The following LHPP variants were observed in gnomAD, a reference collection of about 807,000 sequenced individuals.
LHPP encodes the protein hLHPP.
In LHPP, 24 loss-of-function variants were observed where a neutral mutation model predicts 30.3. The observed-to-expected ratio is 0.79, with a 90% CI of 0.57 to 1.11. The LOEUF (loss-of-function observed/expected upper bound fraction) is 1.11. Among genes scored for constraint, LHPP ranks in the 50% most tolerant of loss-of-function variants. LHPP has a pLI of 0.00. For missense variants in LHPP, 356 were observed against 367.2 expected (o/e 0.97, Z 0.25); for synonymous variants, 150 against 157.1 (o/e 0.95, Z 0.34).
chr10:124,486,125 C>G (rs1161628364), intron 2 of LHPP, among the ~76,000 whole-genome samples: 3 of 152,106 alleles, frequency 2.0e-5, no homozygotes, highest in Non-Finnish European at 4.4e-5. Flanking sequence ...AATTTACATA[C>G]AATGAAATGT....
chr10:124,474,637 T>G (rs2133828157), intron 1 of LHPP, among the ~76,000 whole-genome samples: 1 of 151,990 alleles, frequency 6.6e-6, no homozygotes, highest in African/African-American at 2.4e-5. Flanking sequence ...GCAGGTCCCA[T>G]CTCTAAACCA....
intron 6 of LHPP, among the ~76,000 whole-genome samples, chr10:124,598,447 T>TG (rs1286374925): frequency 7.2e-5 from 11 of 152,198 alleles, no homozygotes; most frequent in African/African-American, 2.7e-4. Flanking sequence ...GTGGCCTGGC[T>TG]GGGCGTGGCC....
At chr10:124,504,848 T>C (rs1479641769) in intron 5 of LHPP, among the ~76,000 whole-genome samples, 5 of 152,054 alleles carry the variant, frequency 3.3e-5, no homozygotes, top group African/African-American at 4.8e-5. Context: ...AGACCCCTCA[T>C]GGGGGTCTGG....
At chr10:124,554,542 G>A (rs943988725) in intron 6 of LHPP, among the ~76,000 whole-genome samples, 1 of 152,248 alleles carries the variant, frequency 6.6e-6, no homozygotes, top group African/African-American at 2.4e-5. Context: ...TAATGTGCAT[G>A]CAGTGCTTAG....
Position 124,523,316 on chromosome 10 carries a change from G to A in LHPP, c.716+6045G>A, listed in dbSNP as rs148336689. Among the ~76,000 whole-genome samples, 52 of 152,344 alleles carry A rather than the reference G, an allele frequency of 3.4e-4. 1 individual carries two copies. In the East Asian group the frequency reaches 9.5e-3, roughly 28 times the overall value. On this transcript the variant is annotated intron_variant, in intron 6 of 6. Transcript: ENST00000368842. The surrounding 1 kb of genome is among the most constrained non-coding windows in gnomAD (Gnocchi z 4.2). ...TGAAGGGGTTTCCCCCCAGTGGGGT[G>A]GCCAGCCGATCTAGGATTCCAGCCG...
chr10:124,560,943 G>C (rs144886298), intron 6 of LHPP, among the ~76,000 whole-genome samples: 31 of 152,268 alleles, frequency 2.0e-4, no homozygotes, highest in African/African-American at 7.5e-4. Context: ...CTCCTGCCAA[G>C]TGCAATGAAA....
chr10:124,578,040 C>T (rs2133988244), intron 6 of LHPP, among the ~76,000 whole-genome samples: 1 of 152,258 alleles, frequency 6.6e-6, no homozygotes, highest in East Asian at 1.9e-4. Flanking sequence ...GCTAGAGTGG[C>T]CCCAGCCGAG....
intron 5 of LHPP, among the ~76,000 whole-genome samples, chr10:124,513,061 G>A (rs1416973513): frequency 6.7e-6 from 1 of 148,166 alleles, no homozygotes; most frequent in Non-Finnish European, 1.5e-5. Flanking sequence ...GAATTCCAGT[G>A]AGAAGACATG....
At chr10:124,477,474 C>T (rs563427174) in intron 1 of LHPP, among the ~76,000 whole-genome samples, 27 of 152,224 alleles carry the variant, frequency 1.8e-4, no homozygotes, top group Admixed American at 3.3e-4. Flanking sequence ...TGTGGGGGAG[C>T]GCTGCCCCCC....
intron 6 of LHPP, among the ~76,000 whole-genome samples, chr10:124,547,687 C>T (rs913992704): frequency 6.6e-6 from 1 of 152,242 alleles, no homozygotes; most frequent in African/African-American, 2.4e-5. Flanking sequence ...CCTGCACCGC[C>T]AGGAGAAGCA....
chr10:124,589,749 C>T (rs889751427), intron 6 of LHPP, among the ~76,000 whole-genome samples: 6 of 152,230 alleles, frequency 3.9e-5, no homozygotes, highest in African/African-American at 1.4e-4. Context: ...CCGCCTTTCC[C>T]GCATCTCTGG....
At chr10:124,608,357 C>T (rs1302784438) in intron 6 of LHPP, among the ~76,000 whole-genome samples, 2 of 150,486 alleles carry the variant, frequency 1.3e-5, no homozygotes, top group Admixed American at 6.6e-5. Flanking sequence ...CCCCAGCCCA[C>T]GGTGCATTCC....
At chr10:124,484,751 G>C (rs1664347427) in intron 2 of LHPP, among the ~76,000 whole-genome samples, 2 of 152,206 alleles carry the variant, frequency 1.3e-5, no homozygotes, top group South Asian at 4.1e-4. Context: ...GAGGTCCATA[G>C]CTTCTAACGT....
At chr10:124,519,326 A>T (rs1335093749) in intron 6 of LHPP, among the ~76,000 whole-genome samples, 1 of 152,112 alleles carries the variant, frequency 6.6e-6, no homozygotes, top group Non-Finnish European at 1.5e-5. Context: ...GACTGGTAAT[A>T]TTTTGGTTTT....
intron 5 of LHPP, 28 bp downstream of exon 5, chr10:124,498,156 A>AGGGGAGGCAGCCCCGTC: frequency 4.3e-6 from 6 of 1,399,038 alleles, no homozygotes; most frequent in Non-Finnish European, 5.9e-6. Flanking sequence ...GAAGTGGGTC[A>AGGGGAGGCAGCCCCGTC]GGGGAGGCAG....
At chr10:124,570,498 T>G (rs905865925) in intron 6 of LHPP, among the ~76,000 whole-genome samples, 2 of 152,234 alleles carry the variant, frequency 1.3e-5, no homozygotes, top group Non-Finnish European at 2.9e-5. Context: ...CAATTCCTCT[T>G]AAAATACACA....
intron 6 of LHPP, among the ~76,000 whole-genome samples, chr10:124,536,396 C>T (rs1480355638): frequency 1.3e-5 from 2 of 152,370 alleles, no homozygotes; most frequent in Non-Finnish European, 2.9e-5. Flanking sequence ...CCTGCTCCTG[C>T]TCCGAGGCCA....
chr10:124,478,301 T>A lies in LHPP; in HGVS notation c.126-5838T>A, dbSNP rs1425462356. Among the ~76,000 whole-genome samples the A allele has an allele frequency of 1.3e-5, 2 of 152,070 alleles. No homozygotes were observed. Among genetic ancestry groups the A allele is most frequent in the Non-Finnish European group, 2.9e-5 (2 of 67,990 alleles). ...ATCAGGGTCAGGCCCCAGGGGAGCA[T>A]GAAAGCAAAGACTCAGGGTGCTATG... On this transcript the variant is annotated intron_variant, in intron 1 of 6. Coordinates refer to ENST00000368842, the MANE Select transcript of LHPP (RefSeq NM_022126.4). This position sits in a 1 kb window ranked among gnomAD's most constrained non-coding sequence, Gnocchi z 4.7.
intron 6 of LHPP, chr10:124,554,034 A>G (rs989809550): frequency 6.7e-5 from 66 of 985,432 alleles, no homozygotes; most frequent in Non-Finnish European, 7.8e-5. Flanking sequence ...TCCACTGCAG[A>G]TAGAAGAAGG....
Sources: gnomAD v4.1 joint callset for allele counts (sites outside exome capture counted in the v4.1 genomes callset) on GRCh38, gnomAD v4.1.1 for gene constraint, Gnocchi (gnomAD v3.1) non-coding constraint, MANE v1.5 for transcripts, NCBI Gene and HGNC (gene_info 2026-07-23, HGNC 2026-07-21) for gene names.